Variants in ACYP2 observed in about 807,000 individuals in gnomAD.
The protein encoded by ACYP2 is acylphosphatase 2, also known as acylphosphatase-2.
Under a neutral mutation model 11.2 loss-of-function variants are expected in ACYP2, and 12 were observed. The ratio of observed to expected loss-of-function variants is 1.08; its 90% CI spans 0.69 to 1.74. The LOEUF (loss-of-function observed/expected upper bound fraction) is 1.74, where lower values mean the gene tolerates loss of function less well. Ranked by LOEUF, ACYP2 falls within the 40% of genes most tolerant of loss-of-function variation. The pLI is 0.00. For synonymous variants in ACYP2, 43 were observed against 32.2 expected (o/e 1.33, Z -1.13); for missense variants, 134 against 101.9 (o/e 1.31, Z -1.35).
chr2:53,988,262 C>T (rs1672123828), intron 2 of ACYP2, among the ~76,000 whole-genome samples: 1 of 151,922 alleles, frequency 6.6e-6, no homozygotes, highest in Non-Finnish European at 1.5e-5. Context: ...TTCCAAAGTT[C>T]TTTTTCTAAA....
At chr2:54,259,047 T>TGATC (rs1304104327) in intron 6 of ACYP2, among the ~76,000 whole-genome samples, 2 of 152,186 alleles carry the variant, frequency 1.3e-5, no homozygotes, top group Non-Finnish European at 2.9e-5. Flanking sequence ...CTTAACAACC[T>TGATC]GATCACCTCT....
rs551411026 is a variant in ACYP2 at position 54,148,766 on chromosome 2, T to G, written c.404+10018T>G. The stretch of plus-strand genomic sequence containing the variant: ...CAACATTATAAGTTGTGATGTTACA[T>G]GTTTAGGTTTTAAAAAATGAATTTA... On this transcript the variant is annotated intron_variant, in intron 6 of 6. Coordinates refer to ENST00000607452, the MANE Select transcript of ACYP2 (RefSeq NM_001320586.2). Among the ~76,000 whole-genome samples the G allele has an allele frequency of 5.9e-5, 9 of 152,330 alleles. No individual in the cohort carries two copies. The East Asian group carries it at 1.5e-3, about 26-fold the overall frequency.
At chr2:54,100,746 C>T (rs909979503) in intron 4 of ACYP2, among the ~76,000 whole-genome samples, 3 of 152,070 alleles carry the variant, frequency 2.0e-5, no homozygotes, top group African/African-American at 7.2e-5. Context: ...ATGCCTCAGC[C>T]GATTCACAGG....
Position 54,305,110 on chromosome 2 carries a change from C to T in ACYP2, c.*308C>T, listed in dbSNP as rs573317472. The T allele has an allele frequency of 1.7e-4, 31 of 180,368 alleles. No individual in the cohort carries two copies. Among genetic ancestry groups the T allele is most frequent in the Admixed American group, 5.5e-4 (9 of 16,284 alleles). The allele number at this position is 180,368 out of a possible 1,614,324, so 11.2% of individuals were successfully genotyped here. ...ATTACAGCATATATATGTTATTTGG[C>T]GAGACATCAAATAAAGTTAACCATT... On this transcript the variant is annotated 3_prime_UTR_variant, in exon 7 of 7. Transcript: ENST00000607452.
chr2:54,304,587 TAGTAAA>T, intron 6 of ACYP2, 95 bp from the exon 4 acceptor site: 1 of 692,752 alleles, frequency 1.4e-6, no homozygotes, highest in South Asian at 2.1e-5. Flanking sequence ...AAAAATTACT[TAGTAAA>T]GGTAAACTCC....
chr2:54,128,857 C>T (rs774727785), intron 4 of ACYP2, among the ~76,000 whole-genome samples: 13 of 152,064 alleles, frequency 8.5e-5, no homozygotes, highest in Non-Finnish European at 1.2e-4. Context: ...CTTTTGCCTG[C>T]ATTTTCACTT....
chr2:54,125,891 A>G (rs909506019), intron 4 of ACYP2, among the ~76,000 whole-genome samples: 20 of 150,546 alleles, frequency 1.3e-4, no homozygotes, highest in African/African-American at 4.6e-4. Context: ...GACCAGCCTG[A>G]CCAACATGGA....
At chr2:54,023,425 GA>G (rs1380031754) in intron 2 of ACYP2, among the ~76,000 whole-genome samples, 11 of 152,154 alleles carry the variant, frequency 7.2e-5, no homozygotes, top group Admixed American at 7.2e-4. Context: ...GAGTATCCGG[GA>G]TGACAGCCTA....
chr2:54,187,914 G>A (rs977235429), intron 6 of ACYP2, among the ~76,000 whole-genome samples: 2 of 152,202 alleles, frequency 1.3e-5, no homozygotes, highest in African/African-American at 4.8e-5. Context: ...AAAAGGGTGT[G>A]TGGGAATGGG....
chr2:54,038,534 T>C (rs184589910), intron 2 of ACYP2, among the ~76,000 whole-genome samples: 24 of 151,762 alleles, frequency 1.6e-4, no homozygotes, highest in African/African-American at 5.8e-4. Context: ...ATGAGGCTTA[T>C]TATTATCTCC....
At chr2:54,089,227 C>T (rs1290634751) in intron 4 of ACYP2, among the ~76,000 whole-genome samples, 1 of 152,132 alleles carries the variant, frequency 6.6e-6, no homozygotes, top group Non-Finnish European at 1.5e-5. Flanking sequence ...ACTAAGCAGT[C>T]AATGAACCTT....
chr2:53,998,706 C>G (rs992475358), intron 2 of ACYP2, among the ~76,000 whole-genome samples: 1 of 152,020 alleles, frequency 6.6e-6, no homozygotes, highest in Admixed American at 6.6e-5. Flanking sequence ...TTCCCAGCTG[C>G]TTGAGAGGCT....
chr2:53,993,852 A>G (rs1672424948), intron 2 of ACYP2, among the ~76,000 whole-genome samples: 1 of 152,084 alleles, frequency 6.6e-6, no homozygotes, highest in Admixed American at 6.6e-5. Context: ...GAGAATTTGT[A>G]AAGTAAGGAA....
chr2:54,105,780 C>T (rs1679124864), intron 4 of ACYP2, among the ~76,000 whole-genome samples: 1 of 152,064 alleles, frequency 6.6e-6, no homozygotes, highest in African/African-American at 2.4e-5. Flanking sequence ...AGGCATGAGC[C>T]ATTGCGCCTG....
At chr2:54,215,170 G>A (rs772503981) in intron 6 of ACYP2, among the ~76,000 whole-genome samples, 5 of 152,100 alleles carry the variant, frequency 3.3e-5, no homozygotes, top group African/African-American at 7.2e-5. Flanking sequence ...GGTTTTCTAC[G>A]TATAGAATTA....
intron 6 of ACYP2, among the ~76,000 whole-genome samples, chr2:54,245,263 T>C (rs1686897602): frequency 6.6e-6 from 1 of 152,214 alleles, no homozygotes; most frequent in Non-Finnish European, 1.5e-5. Flanking sequence ...ATACCACATT[T>C]CCTTGATTCA....
intron 4 of ACYP2, among the ~76,000 whole-genome samples, chr2:54,075,276 A>C (rs1473270141): frequency 6.6e-6 from 1 of 152,182 alleles, no homozygotes; most frequent in East Asian, 1.9e-4. Flanking sequence ...AGGAGGGTAA[A>C]TCGCTTCAGC....
At chr2:53,995,009 T>G (rs1338196365) in intron 2 of ACYP2, among the ~76,000 whole-genome samples, 2 of 152,124 alleles carry the variant, frequency 1.3e-5, no homozygotes, top group Non-Finnish European at 2.9e-5. Flanking sequence ...ATGACAAGAG[T>G]GTCTTTCTGT....
At chr2:54,072,648 T>G (rs755815053) in intron 4 of ACYP2, among the ~76,000 whole-genome samples, 6 of 151,270 alleles carry the variant, frequency 4.0e-5, no homozygotes, top group Non-Finnish European at 7.4e-5. Context: ...CTGCAACCTC[T>G]GCCCCCTGGG....
Sources: allele counts gnomAD v4.1 joint callset (sites outside exome capture counted in the v4.1 genomes callset), GRCh38; gene constraint gnomAD v4.1.1; transcripts MANE v1.5; gene names NCBI Gene and HGNC (gene_info 2026-07-23, HGNC 2026-07-21).